The following RIMS2 variants were observed in gnomAD, a reference collection of about 807,000 sequenced individuals.
RIMS2 encodes regulating synaptic membrane exocytosis 2.
RIMS2 carries 59 observed loss-of-function variants against 174.4 expected under a neutral mutation model. The observed-to-expected ratio is 0.34, with a 90% CI of 0.27 to 0.42. The LOEUF is 0.42. Among genes scored for constraint, RIMS2 ranks in the 10% least tolerant of loss-of-function variants. The pLI, the probability that RIMS2 is intolerant of heterozygous loss-of-function variation, is 1.00. For synonymous variants in RIMS2, 606 were observed against 572.5 expected (o/e 1.06, Z -0.84); for missense variants, 1,620 against 1,666.3 (o/e 0.97, Z 0.48).
intron 1 of RIMS2, among the ~76,000 whole-genome samples, chr8:103,640,316 G>A (rs1343699738): frequency 6.6e-6 from 1 of 151,396 alleles, no homozygotes; most frequent in African/African-American, 2.4e-5. Context: ...TCAATTTATT[G>A]GTCTTTTCAA....
At chr8:104,036,317 A>AT (rs1226265197) in intron 19 of RIMS2, among the ~76,000 whole-genome samples, 2 of 150,970 alleles carry the variant, frequency 1.3e-5, no homozygotes, top group African/African-American at 2.4e-5. Flanking sequence ...TGCCTAGCTA[A>AT]TTTTTTTGTA....
intron 1 of RIMS2, among the ~76,000 whole-genome samples, chr8:103,530,274 T>C (rs1370992323): frequency 6.6e-6 from 1 of 152,084 alleles, no homozygotes; most frequent in Non-Finnish European, 1.5e-5. Context: ...AATGTACACC[T>C]TCCAAGCTAA....
chr8:103,873,458 A>T (rs1288204706), intron 3 of RIMS2, among the ~76,000 whole-genome samples: 1 of 152,114 alleles, frequency 6.6e-6, no homozygotes, highest in Non-Finnish European at 1.5e-5. Flanking sequence ...TCAGTAATAG[A>T]AGTAATATTT....
intron 3 of RIMS2, among the ~76,000 whole-genome samples, chr8:103,868,861 G>A (rs905638967): frequency 6.6e-6 from 1 of 151,986 alleles, no homozygotes; most frequent in Non-Finnish European, 1.5e-5. Flanking sequence ...AGTGGTATAA[G>A]ACATAGAAAA....
chr8:103,728,337 T>G (rs767228934), intron 2 of RIMS2, among the ~76,000 whole-genome samples: 1 of 152,132 alleles, frequency 6.6e-6, no homozygotes, highest in Non-Finnish European at 1.5e-5. Flanking sequence ...TTTGGTGGAG[T>G]CTTTAGGTTT....
chr8:103,786,481 C>T (rs550427127), intron 3 of RIMS2, among the ~76,000 whole-genome samples: 42 of 151,980 alleles, frequency 2.8e-4, no homozygotes, highest in Admixed American at 2.2e-3. Context: ...TCTTTGTTCT[C>T]GTTGGTTTCA....
chr8:104,038,657 C>A (rs1351729595), intron 19 of RIMS2, among the ~76,000 whole-genome samples: 2 of 151,828 alleles, frequency 1.3e-5, no homozygotes, highest in African/African-American at 4.8e-5. Context: ...ATACTATATG[C>A]AAAATAAATA....
chr8:104,108,846 G>C (rs1307497639), intron 19 of RIMS2, among the ~76,000 whole-genome samples: 1 of 151,946 alleles, frequency 6.6e-6, no homozygotes, highest in Admixed American at 6.6e-5. Flanking sequence ...AGTATGAATT[G>C]CTACCTTATA....
At chr8:103,841,978 GA>G (rs35436735) in intron 3 of RIMS2, among the ~76,000 whole-genome samples, 1,768 of 151,214 alleles carry the variant, frequency 0.012, 32 homozygotes, top group African/African-American at 0.039. Context: ...AAAAAAAAAA[GA>G]AAAAAAGAAA....
intron 19 of RIMS2, among the ~76,000 whole-genome samples, chr8:104,155,738 A>G (rs1195363371): frequency 2.0e-5 from 3 of 152,142 alleles, no homozygotes; most frequent in Non-Finnish European, 4.4e-5. Context: ...CAACTACACT[A>G]ACAATGAGAA....
chr8:104,042,054 T>A (rs933079451), intron 19 of RIMS2, among the ~76,000 whole-genome samples: 5 of 151,448 alleles, frequency 3.3e-5, no homozygotes, highest in African/African-American at 4.8e-5. Context: ...TGCAGGCGTT[T>A]CCTAGTGTGA....
chr8:103,998,939 A>AACC (rs2095263742), intron 17 of RIMS2, among the ~76,000 whole-genome samples: 2 of 151,836 alleles, frequency 1.3e-5, no homozygotes, highest in African/African-American at 4.8e-5. Context: ...AAGAAGGGTT[A>AACC]ACTAGAAAGA....
chr8:103,828,183 C>T (rs2098803444), intron 3 of RIMS2, among the ~76,000 whole-genome samples: 2 of 152,026 alleles, frequency 1.3e-5, no homozygotes, highest in South Asian at 4.1e-4. Context: ...CAGGTTTGGG[C>T]ATTAGGGTTA....
intron 3 of RIMS2, among the ~76,000 whole-genome samples, chr8:103,818,423 TA>T (rs1413631955): frequency 6.6e-6 from 1 of 152,184 alleles, no homozygotes; most frequent in Non-Finnish European, 1.5e-5. Flanking sequence ...TAGAATAACC[TA>T]AATGTTTATC....
chr8:103,982,852 G>A (rs2094028154), intron 16 of RIMS2, among the ~76,000 whole-genome samples: 1 of 152,116 alleles, frequency 6.6e-6, no homozygotes, highest in African/African-American at 2.4e-5. Flanking sequence ...TGGCAAGGAC[G>A]CCCAGTTTCA....
intron 1 of RIMS2, among the ~76,000 whole-genome samples, chr8:103,569,358 T>C (rs2092632032): frequency 6.6e-6 from 1 of 152,186 alleles, no homozygotes; most frequent in Admixed American, 6.5e-5. Flanking sequence ...CAAGGGCTTA[T>C]TTCTGGACTT....
chr8:103,560,986 T>C (rs1411081306), intron 1 of RIMS2, among the ~76,000 whole-genome samples: 2 of 152,238 alleles, frequency 1.3e-5, no homozygotes, highest in African/African-American at 4.8e-5. Flanking sequence ...TTTAAATTTG[T>C]AAGCATTTTT....
At chr8:103,600,285 T>G (rs1442946553) in intron 1 of RIMS2, among the ~76,000 whole-genome samples, 1 of 152,176 alleles carries the variant, frequency 6.6e-6, no homozygotes, top group Non-Finnish European at 1.5e-5. Context: ...CTTTCTTTTT[T>G]CTGAGACAGA....
intron 4 of RIMS2, among the ~76,000 whole-genome samples, chr8:103,898,848 T>A (rs1234779341): frequency 7.3e-5 from 11 of 151,606 alleles, no homozygotes; most frequent in Non-Finnish European, 1.2e-4. Context: ...ACATTAGGTA[T>A]ATCTCCTAAT....
Sources: gnomAD v4.1 joint callset for allele counts (sites outside exome capture counted in the v4.1 genomes callset) on GRCh38, gnomAD v4.1.1 for gene constraint, MANE v1.5 for transcripts, NCBI Gene and HGNC (gene_info 2026-07-23, HGNC 2026-07-21) for gene names.